CCNI: variants seen among roughly 807,000 people sequenced by gnomAD.
CCNI encodes cyclin-I.
CCNI carries 14 observed loss-of-function variants against 34.1 expected under a neutral mutation model. The observed-to-expected ratio is 0.41, with a 90% CI of 0.27 to 0.64. The LOEUF is 0.64. Among genes scored for constraint, CCNI ranks in the 30% least tolerant of loss-of-function variants. The pLI, the probability that CCNI is intolerant of heterozygous loss-of-function variation, is 0.31. For synonymous variants in CCNI, 154 were observed against 158.4 expected (o/e 0.97, Z 0.21); for missense variants, 385 against 440.5 (o/e 0.87, Z 1.13).
chr4:77,055,361 G>T lies in CCNI; in HGVS notation c.479C>A (p.Ser160Ter). 6.2e-7 allele frequency: 1 copy of T among 1,613,030 alleles called. No homozygotes were observed. The highest frequency in any genetic ancestry group is 8.5e-7 in the Non-Finnish European group (1 of 1,179,050). Residue 160 changes from serine (S) to a stop codon, truncating the protein, a stop_gained, in exon 6 of 7, where the codon TCA (serine) becomes TAA (stop). Transcript: ENST00000237654. LOFTEE classifies it high-confidence loss of function. The part of the protein sequence containing the change: ...FLHIFHAIAV[S>*]TRPQLLFSLP... Reference sequence around the variant, plus strand: ...ACTGAAAAGTAACTGAGGCCTAGTTGACACTGCAATGGCATGGAACTGAAA... The same window carrying T: ...ACTGAAAAGTAACTGAGGCCTAGTTTACACTGCAATGGCATGGAACTGAAA...
chr4:77,066,642 C>T (rs568735748), intron 1 of CCNI, among the ~76,000 whole-genome samples: 1 of 152,260 alleles, frequency 6.6e-6, no homozygotes, highest in East Asian at 1.9e-4. Flanking sequence ...TTGATGGAAC[C>T]TTTGGACTCT....
chr4:77,055,788 C>A (rs1728179687), intron 5 of CCNI, among the ~76,000 whole-genome samples, 174 bp downstream of exon 5: 2 of 152,158 alleles, frequency 1.3e-5, no homozygotes, highest in Non-Finnish European at 2.9e-5. Context: ...ATTTCTAAGT[C>A]TGCGAATTAA....
intron 1 of CCNI, among the ~76,000 whole-genome samples, chr4:77,070,902 A>G (rs1447620346): frequency 6.6e-6 from 1 of 152,228 alleles, no homozygotes; most frequent in Non-Finnish European, 1.5e-5. Flanking sequence ...GATATTTAGA[A>G]GAAACAGCTA....
rs1402017608 is a variant in CCNI at position 77,048,597 on chromosome 4, A to C, written c.756T>G (p.Ser252=). Residue 252 remains serine (S), a synonymous_variant, in exon 7 of 7, where the codon TCT becomes TCG. Coordinates refer to ENST00000237654, the MANE Select transcript of CCNI (RefSeq NM_006835.3). ...CATAAACGGAATTCAGAGGCAGGGA[A>C]GACTGCAGAGTAGAAAGGTGATGTG... is the stretch of plus-strand genomic sequence containing the variant. ...LVAHHLSTLQ[S]SLPLNSVYVY... is the part of the protein sequence containing the mutation. 6.2e-7 allele frequency: 1 copy of C among 1,604,938 alleles called. No individual in the cohort carries two copies. Among genetic ancestry groups the C allele is most frequent in the Non-Finnish European group, 8.5e-7 (1 of 1,174,796 alleles).
rs1728754849 is a variant in CCNI, at chr4:77,063,346, A to ATTT, written c.114+2902_114+2903insAAA. On this transcript the variant is annotated intron_variant, in intron 2 of 6. Transcript: ENST00000237654. The stretch of plus-strand genomic sequence containing the variant: ...CAGAGCAACAGTGGAAAGGGAGGTA[A>ATTT]AAAAAAAAAAAAAAAAAAAAAAAGC... Among the ~76,000 whole-genome samples, 20 of 50,298 alleles carry ATTT rather than the reference A, an allele frequency of 4.0e-4. 1 individual carries two copies. The South Asian group carries it at 0.01, about 26-fold the overall frequency. The allele number at this position is 50,298 out of a possible 152,430, so 33.0% of individuals were successfully genotyped here. A position where few individuals can be genotyped will look rare whatever the true frequency, so the allele number is the denominator to read the frequency against.
chr4:77,047,616 T>C lies in CCNI; in HGVS notation c.*603A>G, dbSNP rs1040232075. On this transcript the variant is annotated 3_prime_UTR_variant, in exon 7 of 7. Transcript: ENST00000237654. Reference sequence around the variant, plus strand: ...CAAAAATGAAAACCATAATTTTAAATTAAAATTTGAAATGAGACACAAAAT... The same window carrying C: ...CAAAAATGAAAACCATAATTTTAAACTAAAATTTGAAATGAGACACAAAAT... 1.3e-5 allele frequency: 2 copies of C among 152,314 alleles called. No homozygotes were observed. The highest frequency in any genetic ancestry group is 4.8e-5 in the African/African-American group (2 of 41,560). The allele number at this position is 152,314 out of a possible 1,614,324, so 9.4% of individuals were successfully genotyped here. A position where few individuals can be genotyped will look rare whatever the true frequency, so the allele number is the denominator to read the frequency against.
chr4:77,057,176 A>T (rs1578239448), intron 3 of CCNI, among the ~76,000 whole-genome samples: 1 of 92,200 alleles, frequency 1.1e-5, no homozygotes, highest in Non-Finnish European at 2.9e-5. Flanking sequence ...CTCCCTCTCT[A>T]CTACATCTAA....
At chr4:77,057,998 G>A (rs921611612) in intron 3 of CCNI, among the ~76,000 whole-genome samples, 15 of 152,172 alleles carry the variant, frequency 9.9e-5, no homozygotes, top group Non-Finnish European at 2.9e-5. Flanking sequence ...ATGAATACTT[G>A]TAACAAAAAG....
chr4:77,075,831 C>G lies in CCNI; in HGVS notation c.-403G>C, dbSNP rs1206980463. ...AGGCGGGGGGTGAGACCGGCTCTGC[C>G]CCTGCCCGGGGAAAGCGCCTCCGAG... On this transcript the variant is annotated 5_prime_UTR_variant, in exon 1 of 7. Coordinates refer to ENST00000237654, the MANE Select transcript of CCNI (RefSeq NM_006835.3). 2 of 150,988 alleles carry G rather than the reference C, an allele frequency of 1.3e-5. No individual in the cohort carries two copies. Among genetic ancestry groups the G allele is most frequent in the African/African-American group, 4.9e-5 (2 of 41,118 alleles). 9.4% of individuals were successfully genotyped at this position (150,988 alleles called of 1,614,324 possible).
At chr4:77,067,682 T>G (rs1333262998) in intron 1 of CCNI, among the ~76,000 whole-genome samples, 3 of 142,978 alleles carry the variant, frequency 2.1e-5, no homozygotes, top group African/African-American at 5.0e-5. Context: ...TTTTTTTTTT[T>G]GTAGAGATGC....
At position 77,048,529 on chromosome 4, in the gene CCNI, C is replaced by A. The variant is rs766049883; in HGVS notation, c.824G>T (p.Gly275Val). 1 of 1,613,834 alleles carries A rather than the reference C, an allele frequency of 6.2e-7. No homozygotes were observed. Among genetic ancestry groups the A allele is most frequent in the South Asian group, 1.1e-5 (1 of 91,088 alleles). ...AGAGGAGGGATGTAATCTGAACACT[C>A]CTTTGTCACAGGTCACCAGGGTGTG... is the stretch of plus-strand genomic sequence containing the variant. ...LKHTLVTCDK[G>V]VFRLHPSSVP... The change falls in exon 7 of 7, where the codon GGA (glycine) becomes GTA (valine). Residue 275 changes from glycine to valine, a missense_variant. By Grantham distance (109) the Gly-to-Val change is moderately radical. Coordinates refer to ENST00000237654, the MANE Select transcript of CCNI (RefSeq NM_006835.3).
rs551956747 is a variant in CCNI at position 77,067,132 on chromosome 4, T to G, written c.-43-727A>C. Among the ~76,000 whole-genome samples, 404 of 152,062 alleles carry G rather than the reference T, an allele frequency of 2.7e-3. 1 individual carries two copies. The highest frequency in any genetic ancestry group is 9.2e-3 in the African/African-American group (383 of 41,476). ...CTGTAATCCCAGCTACTCGGGAGGCTGAAGCAGGAGAATCGTTTGAACCAG... is the reference window on the plus strand; with the variant it reads ...CTGTAATCCCAGCTACTCGGGAGGCGGAAGCAGGAGAATCGTTTGAACCAG... On this transcript the variant is annotated intron_variant, in intron 1 of 6. Transcript: ENST00000237654.
At chr4:77,052,871 G>A (rs558829316) in intron 6 of CCNI, among the ~76,000 whole-genome samples, 32 of 152,280 alleles carry the variant, frequency 2.1e-4, no homozygotes, top group Admixed American at 9.8e-4. Flanking sequence ...GGACCACATG[G>A]GTTGGTGTTA....
chr4:77,070,325 CTTT>C (rs368351303), intron 1 of CCNI, among the ~76,000 whole-genome samples: 2,683 of 144,466 alleles, frequency 0.019, 54 homozygotes, highest in South Asian at 0.064. Flanking sequence ...CCCTCATTAG[CTTT>C]TTTTTTTTTG....
intron 1 of CCNI, 83 bp downstream of exon 1, chr4:77,075,389 C>A (rs1186452070): frequency 1.1e-5 from 5 of 467,576 alleles, no homozygotes; most frequent in Non-Finnish European, 1.4e-5. Context: ...ACGGGGGCGG[C>A]GCGGGGGGAG....
intron 2 of CCNI, 88 bp downstream of exon 2, chr4:77,066,161 T>G: frequency 1.9e-6 from 2 of 1,064,740 alleles, no homozygotes; most frequent in Non-Finnish European, 2.8e-6. Context: ...TACACACTCC[T>G]CCAATGTAGT....
intron 2 of CCNI, among the ~76,000 whole-genome samples, chr4:77,063,494 C>T (rs1010483478): frequency 6.6e-6 from 1 of 151,802 alleles, no homozygotes; most frequent in Admixed American, 6.6e-5. Flanking sequence ...TCGAGACCAT[C>T]CTGGCTAACA....
Position 77,075,682 on chromosome 4 carries a change from G to A in CCNI, c.-254C>T. On this transcript the variant is annotated 5_prime_UTR_variant, in exon 1 of 7. Coordinates refer to ENST00000237654, the MANE Select transcript of CCNI (RefSeq NM_006835.3). The stretch of plus-strand genomic sequence containing the variant: ...GCGCTGGCGCTCGAGCGGGACGCAC[G>A]GCTGCGGCCGCTGGGTCGGTCAGCG... 1 of 507,100 alleles carries A rather than the reference G, an allele frequency of 2.0e-6. No homozygotes were observed. The highest frequency in any genetic ancestry group is 2.6e-6 in the Non-Finnish European group (1 of 391,728). The allele number at this position is 507,100 out of a possible 1,614,324, so 31.4% of individuals were successfully genotyped here.
rs1729907569 is a variant in CCNI, at chr4:77,075,745, C to A, written c.-317G>T. 1 of 179,088 alleles carries A rather than the reference C, an allele frequency of 5.6e-6. No individual in the cohort carries two copies. Among genetic ancestry groups the A allele is most frequent in the Admixed American group, 6.5e-5 (1 of 15,294 alleles). 11.1% of individuals were successfully genotyped at this position (179,088 alleles called of 1,614,324 possible). On this transcript the variant is annotated 5_prime_UTR_variant, in exon 1 of 7. Transcript: ENST00000237654. The stretch of plus-strand genomic sequence containing the variant: ...GATGACCCCCGGCCTGAGGCCGCCG[C>A]CGCTCGAGCCCGGGTTGGGAGGGGG...
Sources: gnomAD v4.1 joint callset for allele counts (sites outside exome capture counted in the v4.1 genomes callset) on GRCh38, gnomAD v4.1.1 for gene constraint, MANE v1.5 for transcripts, NCBI Gene and HGNC (gene_info 2026-07-23, HGNC 2026-07-21) for gene names.